The following PCCA variants were observed in gnomAD, a reference collection of about 807,000 sequenced individuals.
PCCA encodes the protein propionyl-CoA carboxylase alpha chain, mitochondrial.
PCCA carries 74 observed loss-of-function variants against 101.3 expected under a neutral mutation model. The ratio of observed to expected loss-of-function variants is 0.73; its 90% CI spans 0.61 to 0.89. The LOEUF is 0.89. PCCA is among the 40% of genes least tolerant of loss of function. PCCA has a pLI of 0.00. For missense variants in PCCA, 891 were observed against 907.0 expected, an observed-to-expected ratio of 0.98 and a Z score of 0.23; for synonymous variants, 294 against 313.6, an observed-to-expected ratio of 0.94 and a Z score of 0.66.
intron 18 of PCCA, among the ~76,000 whole-genome samples, chr13:100,357,933 G>A (rs866009128): frequency 3.3e-5 from 5 of 152,248 alleles, no homozygotes; most frequent in African/African-American, 1.2e-4. Flanking sequence ...GGAAATGTGC[G>A]TAACAAAGAC....
chr13:100,114,969 T>C (rs1395648557), intron 4 of PCCA, among the ~76,000 whole-genome samples: 2 of 152,144 alleles, frequency 1.3e-5, no homozygotes, highest in African/African-American at 2.4e-5. Context: ...GGAGGAGATA[T>C]CTGCACTCCC....
intron 6 of PCCA, among the ~76,000 whole-genome samples, chr13:100,179,385 A>T (rs9518017): frequency 0.35 from 53,661 of 151,876 alleles, 10,535 homozygotes; most frequent in East Asian, 0.72. Flanking sequence ...GAAAAAAAAG[A>T]CTAAAATGTA....
At chr13:100,214,494 G>T (rs1442373460) in intron 7 of PCCA, among the ~76,000 whole-genome samples, 1 of 151,346 alleles carries the variant, frequency 6.6e-6, no homozygotes, top group Non-Finnish European at 1.5e-5. Context: ...GTGCAATCTC[G>T]GCTCACTGCA....
chr13:100,428,157 C>T (rs1187501007), intron 20 of PCCA, among the ~76,000 whole-genome samples: 1 of 152,052 alleles, frequency 6.6e-6, no homozygotes, highest in Non-Finnish European at 1.5e-5. Flanking sequence ...GCTTTGACCT[C>T]CCAGGCTCCA....
At chr13:100,501,775 G>A (rs867293878) in intron 21 of PCCA, among the ~76,000 whole-genome samples, 2 of 152,274 alleles carry the variant, frequency 1.3e-5, no homozygotes, top group African/African-American at 4.8e-5. Context: ...TTGGGAGGCT[G>A]AGGCAGGAAA....
At chr13:100,121,823 T>C (rs1025590965) in intron 4 of PCCA, among the ~76,000 whole-genome samples, 2 of 152,214 alleles carry the variant, frequency 1.3e-5, no homozygotes, top group African/African-American at 4.8e-5. Flanking sequence ...ATAGTTTTAC[T>C]TCTTTCCATC....
chr13:100,219,512 A>G (rs938036624), intron 7 of PCCA, among the ~76,000 whole-genome samples: 1 of 152,170 alleles, frequency 6.6e-6, no homozygotes, highest in Non-Finnish European at 1.5e-5. Context: ...TAAAGGTCCA[A>G]AGGTGACCGT....
intron 21 of PCCA, among the ~76,000 whole-genome samples, chr13:100,496,353 C>T (rs2085274741): frequency 6.6e-6 from 1 of 152,216 alleles, no homozygotes. Context: ...TCCTGAATCT[C>T]GAATCGTTCC....
intron 21 of PCCA, among the ~76,000 whole-genome samples, chr13:100,498,735 C>G (rs1273837272): frequency 2.6e-5 from 4 of 152,144 alleles, no homozygotes; most frequent in African/African-American, 9.7e-5. Flanking sequence ...TTCTGAGGTT[C>G]ATCCACACTG....
intron 4 of PCCA, among the ~76,000 whole-genome samples, chr13:100,138,929 C>T (rs1406937553): frequency 4.5e-5 from 4 of 89,746 alleles, no homozygotes; most frequent in African/African-American, 1.4e-4. Context: ...AGCAAAACTC[C>T]ATCTCAAAAA....
chr13:100,515,702 A>C, intron 22 of PCCA, 135 bp downstream of exon 22: 1 of 1,008,046 alleles, frequency 9.9e-7, no homozygotes, highest in Non-Finnish European at 1.5e-6. Flanking sequence ...AGCAAAATCG[A>C]TTGCGTGTGT....
At chr13:100,414,071 C>A (rs1445367585) in intron 19 of PCCA, among the ~76,000 whole-genome samples, 1 of 152,166 alleles carries the variant, frequency 6.6e-6, no homozygotes, top group African/African-American at 2.4e-5. Flanking sequence ...TGATTGTAGA[C>A]CAATACCTAA....
chr13:100,423,987 G>A (rs2078984690), intron 19 of PCCA, among the ~76,000 whole-genome samples: 1 of 152,282 alleles, frequency 6.6e-6, no homozygotes, highest in Non-Finnish European at 1.5e-5. Context: ...CCTGTCCTTA[G>A]ACCTACTACA....
intron 21 of PCCA, among the ~76,000 whole-genome samples, chr13:100,451,047 G>A (rs909708473): frequency 1.3e-5 from 2 of 152,210 alleles, no homozygotes; most frequent in Non-Finnish European, 2.9e-5. Context: ...GCAGGCTGGA[G>A]ACCCAGGGGA....
In PCCA at chr13:100,267,178, G is replaced by C. The variant is rs116825881; in HGVS notation, c.820-1511G>C. Among the ~76,000 whole-genome samples, 1,213 of 152,144 alleles carry C rather than the reference G, an allele frequency of 8.0e-3. 15 individuals carry two copies. The highest frequency in any genetic ancestry group is 0.028 in the African/African-American group (1,143 of 41,520). ...ATTTCTGAGAATTCTTGGTTATTTT[G>C]GCTTTATTTCTTGGAGACTGTCTAC... On this transcript the variant is annotated intron_variant, in intron 10 of 23. Coordinates refer to ENST00000376285, the MANE Select transcript of PCCA (RefSeq NM_000282.4).
chr13:100,453,684 C>T (rs947351499), intron 21 of PCCA, among the ~76,000 whole-genome samples: 1 of 152,042 alleles, frequency 6.6e-6, no homozygotes, highest in Non-Finnish European at 1.5e-5. Flanking sequence ...AGTTCAGGGC[C>T]TGTTCCATCA....
intron 4 of PCCA, among the ~76,000 whole-genome samples, chr13:100,118,053 T>C (rs1288366191): frequency 6.6e-6 from 1 of 150,990 alleles, no homozygotes; most frequent in Non-Finnish European, 1.5e-5. Flanking sequence ...GAGGCGGAGC[T>C]TGCAGTGAGC....
At chr13:100,191,587 T>G (rs1461630199) in intron 6 of PCCA, among the ~76,000 whole-genome samples, 2 of 152,234 alleles carry the variant, frequency 1.3e-5, no homozygotes, top group African/African-American at 4.8e-5. Flanking sequence ...ACAGTCCCTG[T>G]TCTTAACCTT....
At chr13:100,306,428 T>A (rs1175200296) in intron 14 of PCCA, among the ~76,000 whole-genome samples, 1 of 152,246 alleles carries the variant, frequency 6.6e-6, no homozygotes, top group East Asian at 1.9e-4. Flanking sequence ...ATAAATGTTC[T>A]GTCCTCAGTA....
Sources: allele counts gnomAD v4.1 joint callset (sites outside exome capture counted in the v4.1 genomes callset), GRCh38; gene constraint gnomAD v4.1.1; transcripts MANE v1.5; gene names NCBI Gene and HGNC (gene_info 2026-07-23, HGNC 2026-07-21).